HDAC9: variants seen among roughly 807,000 people sequenced by gnomAD.
The protein encoded by HDAC9 is histone deacetylase 9.
HDAC9 carries 41 observed loss-of-function variants against 139.4 expected under a neutral mutation model. That is an observed-to-expected ratio of 0.29 (90% confidence interval 0.23 to 0.38). The LOEUF is 0.38. Among genes scored for constraint, HDAC9 ranks in the 10% least tolerant of loss-of-function variants. The pLI, the probability that HDAC9 is intolerant of heterozygous loss-of-function variation, is 1.00. For missense variants in HDAC9, 1,147 were observed against 1,297.0 expected (o/e 0.88, Z 1.78); for synonymous variants, 517 against 476.2 (o/e 1.09, Z -1.12).
chr7:18,330,364 C>A (rs73307406), intron 1 of HDAC9, among the ~76,000 whole-genome samples: 1 of 151,330 alleles, frequency 6.6e-6, no homozygotes, highest in African/African-American at 2.4e-5. Context: ...TTATATTTTT[C>A]TCCTAAAACT....
At chr7:18,750,709 T>C (rs1788367205) in intron 14 of HDAC9, among the ~76,000 whole-genome samples, 1 of 152,316 alleles carries the variant, frequency 6.6e-6, no homozygotes, top group South Asian at 2.1e-4. Flanking sequence ...CCATTCTCTT[T>C]TCTATGCAAT....
chr7:18,774,043 G>A (rs1304530317), intron 16 of HDAC9, among the ~76,000 whole-genome samples: 1 of 151,810 alleles, frequency 6.6e-6, no homozygotes, highest in Non-Finnish European at 1.5e-5. Context: ...GAATGCTTGA[G>A]CCATAAGCAG....
chr7:18,613,335 A>G (rs1478041097), intron 6 of HDAC9, among the ~76,000 whole-genome samples: 1 of 151,898 alleles, frequency 6.6e-6, no homozygotes, highest in Non-Finnish European at 1.5e-5. Flanking sequence ...GACAGGAGAG[A>G]AGGAAAAGGA....
intron 2 of HDAC9, among the ~76,000 whole-genome samples, chr7:18,255,301 T>C (rs1338875303): frequency 6.6e-6 from 1 of 152,156 alleles, no homozygotes; most frequent in Non-Finnish European, 1.5e-5. Flanking sequence ...ATAAGTGGTA[T>C]AAATATGGCA....
At chr7:18,138,401 G>T (rs577532351) in intron 1 of HDAC9, among the ~76,000 whole-genome samples, 2 of 152,002 alleles carry the variant, frequency 1.3e-5, no homozygotes, top group African/African-American at 4.8e-5. Flanking sequence ...ATTGCAAATG[G>T]TGTAAGAAGG....
chr7:18,657,038 T>C (rs149279925), intron 11 of HDAC9, among the ~76,000 whole-genome samples: 1 of 152,294 alleles, frequency 6.6e-6, no homozygotes, highest in Non-Finnish European at 1.5e-5. Context: ...TGATGGTTAA[T>C]GATGTTCAAC....
At chr7:18,762,382 C>T in intron 15 of HDAC9, 105 bp downstream of exon 15, 1 of 1,310,964 alleles carries the variant, frequency 7.6e-7, no homozygotes. Context: ...AACAAAAAAT[C>T]AGTTTTTCCA....
At chr7:18,893,032 C>CG (rs1800823434) in intron 22 of HDAC9, among the ~76,000 whole-genome samples, 1 of 2,764 alleles carries the variant, frequency 3.6e-4, no homozygotes, top group African/African-American at 1.0e-3. Context: ...GGTAATAGGC[C>CG]GAAAAAAAAA....
At chr7:18,374,437 A>T (rs1364646655) in intron 1 of HDAC9, among the ~76,000 whole-genome samples, 1 of 152,000 alleles carries the variant, frequency 6.6e-6, no homozygotes, top group Non-Finnish European at 1.5e-5. Context: ...CCTACTACAC[A>T]CCTAGGCTAT....
intron 2 of HDAC9, among the ~76,000 whole-genome samples, chr7:18,167,139 G>T (rs1207820567): frequency 1.3e-5 from 2 of 151,630 alleles, no homozygotes; most frequent in Non-Finnish European, 2.9e-5. Context: ...TTGATCACAG[G>T]GTATGGTATT....
At chr7:18,723,039 C>A (rs1382063422) in intron 12 of HDAC9, among the ~76,000 whole-genome samples, 6 of 152,130 alleles carry the variant, frequency 3.9e-5, no homozygotes, top group African/African-American at 1.4e-4. Flanking sequence ...CCTTTTCTCA[C>A]ATTATCTCTT....
At chr7:18,522,808 C>T (rs1805516443) in intron 2 of HDAC9, among the ~76,000 whole-genome samples, 1 of 152,058 alleles carries the variant, frequency 6.6e-6, no homozygotes, top group Non-Finnish European at 1.5e-5. Context: ...TTATTTGTTT[C>T]TCCCAGGAAT....
At chr7:18,888,587 C>T (rs1353957332) in intron 22 of HDAC9, among the ~76,000 whole-genome samples, 8 of 152,192 alleles carry the variant, frequency 5.3e-5, no homozygotes, top group African/African-American at 9.6e-5. Flanking sequence ...TCCTATCGAC[C>T]TCCCACCTTA....
intron 7 of HDAC9, 71 bp downstream of exon 7, chr7:18,629,552 T>C: frequency 7.3e-7 from 1 of 1,378,362 alleles, no homozygotes; most frequent in South Asian, 1.4e-5. Flanking sequence ...AGAATAAATA[T>C]ACCTGCTGCA....
chr7:18,533,368 CTTCT>C (rs1280665182), intron 2 of HDAC9, among the ~76,000 whole-genome samples: 2 of 152,038 alleles, frequency 1.3e-5, no homozygotes, highest in African/African-American at 4.8e-5. Context: ...ATTCTTGTAG[CTTCT>C]TTGTCGGTTT....
At chr7:18,759,942 T>C (rs766585829) in intron 14 of HDAC9, among the ~76,000 whole-genome samples, 5 of 152,110 alleles carry the variant, frequency 3.3e-5, no homozygotes, top group Non-Finnish European at 7.4e-5. Context: ...GAAGTAAAAA[T>C]TTAATTTATA....
intron 13 of HDAC9, among the ~76,000 whole-genome samples, chr7:18,734,204 A>T (rs919946187): frequency 2.0e-5 from 3 of 152,092 alleles, no homozygotes; most frequent in Admixed American, 6.6e-5. Flanking sequence ...TTTCATCATT[A>T]TTATATATTA....
chr7:18,834,468 C>T (rs1305735113), intron 19 of HDAC9, among the ~76,000 whole-genome samples: 2 of 148,496 alleles, frequency 1.3e-5, no homozygotes, highest in Admixed American at 6.7e-5. Flanking sequence ...TATATCAATT[C>T]TGGCACGTAT....
chr7:18,326,071 AATT>A (rs1334445282), intron 1 of HDAC9, among the ~76,000 whole-genome samples: 5 of 152,144 alleles, frequency 3.3e-5, no homozygotes, highest in Non-Finnish European at 5.9e-5. Context: ...ACGTGTGTAA[AATT>A]ATCACTTTTC....
Sources: gnomAD v4.1 joint callset for allele counts (sites outside exome capture counted in the v4.1 genomes callset) on GRCh38, gnomAD v4.1.1 for gene constraint, MANE v1.5 for transcripts, NCBI Gene and HGNC (gene_info 2026-07-23, HGNC 2026-07-21) for gene names.